SGCG: variants seen among roughly 807,000 people sequenced by gnomAD.
SGCG encodes the protein sarcoglycan gamma.
A neutral mutation model predicts 29.3 loss-of-function variants in SGCG; 26 were observed. The observed-to-expected ratio is 0.89, with a 90% confidence interval of 0.65 to 1.23. The LOEUF is 1.23. Among genes scored for constraint, SGCG ranks in the 50% most tolerant of loss-of-function variants. The pLI is 0.00. For missense variants in SGCG, 353 were observed against 356.0 expected (o/e 0.99, Z 0.07); for synonymous variants, 145 against 129.7 (o/e 1.12, Z -0.80).
At chr13:23,221,548 A>G (rs1489717997) in intron 2 of SGCG, among the ~76,000 whole-genome samples, 1 of 152,236 alleles carries the variant, frequency 6.6e-6, no homozygotes, top group Non-Finnish European at 1.5e-5. Flanking sequence ...CTTAGGTTCT[A>G]TGATGTATAA....
intron 2 of SGCG, among the ~76,000 whole-genome samples, chr13:23,230,677 C>G (rs2137539939): frequency 6.6e-6 from 1 of 152,264 alleles, no homozygotes; most frequent in South Asian, 2.1e-4. Context: ...TCTCAAGGAG[C>G]TTTTGGGCAG....
intron 1 of SGCG, among the ~76,000 whole-genome samples, chr13:23,185,755 C>T (rs1055106770): frequency 7.9e-5 from 12 of 152,322 alleles, no homozygotes; most frequent in East Asian, 1.9e-4. Flanking sequence ...ACTGATAAAA[C>T]GTTGGAGTGT....
At chr13:23,288,300 C>T (rs1255941621) in intron 5 of SGCG, among the ~76,000 whole-genome samples, 2 of 152,146 alleles carry the variant, frequency 1.3e-5, no homozygotes, top group African/African-American at 4.8e-5. Flanking sequence ...TTTTCTCCGC[C>T]CTTGTCACTT....
intron 6 of SGCG, among the ~76,000 whole-genome samples, chr13:23,304,849 G>T (rs11617553): frequency 0.087 from 13,172 of 152,198 alleles, 646 homozygotes; most frequent in South Asian, 0.13. Context: ...GGCTGGTCTC[G>T]ATCTCCTGGC....
chr13:23,291,843 G>T (rs1407890182), intron 5 of SGCG, among the ~76,000 whole-genome samples: 5 of 152,118 alleles, frequency 3.3e-5, no homozygotes, highest in Admixed American at 6.6e-5. Flanking sequence ...ATATGAAATG[G>T]GTCATTTTGT....
chr13:23,287,241 G>A (rs1319542122), intron 5 of SGCG, among the ~76,000 whole-genome samples: 7 of 152,182 alleles, frequency 4.6e-5, no homozygotes, highest in Non-Finnish European at 1.0e-4. Flanking sequence ...TAGTAGAGGG[G>A]GAAGTCAGAT....
chr13:23,299,085 A>G (rs2137650976), intron 6 of SGCG, among the ~76,000 whole-genome samples: 1 of 152,216 alleles, frequency 6.6e-6, no homozygotes, highest in South Asian at 2.1e-4. Context: ...TTTTATCCCC[A>G]TTTTATAAAG....
intron 4 of SGCG, among the ~76,000 whole-genome samples, chr13:23,257,126 C>T (rs570088327): frequency 2.0e-5 from 3 of 152,244 alleles, no homozygotes; most frequent in Admixed American, 6.5e-5. Flanking sequence ...TCTCTGATGA[C>T]CAGTGATGAT....
chr13:23,189,436 A>G (rs937940666), intron 1 of SGCG, among the ~76,000 whole-genome samples: 5 of 152,170 alleles, frequency 3.3e-5, no homozygotes, highest in Non-Finnish European at 5.9e-5. Context: ...CTTGGCCTCC[A>G]AAGTGCTGGA....
rs201514102 is a variant in SGCG, at chr13:23,250,658, A to G, written c.326A>G (p.Gln109Arg). 1.2e-6 allele frequency: 2 copies of G among 1,612,678 alleles called. No homozygotes were observed. Among genetic ancestry groups the G allele is most frequent in the East Asian group, 4.5e-5 (2 of 44,882 alleles). ...TCATCTCTGCTTCTACAATCAACCCAGAATGTGACTGTAAATGCGCGCAAC... is the reference window on the plus strand; with the variant it reads ...TCATCTCTGCTTCTACAATCAACCCGGAATGTGACTGTAAATGCGCGCAAC... ...VDSSLLLQST[Q>R]NVTVNARNSE... Residue 109 changes from glutamine (Q) to arginine (R), a missense_variant, in exon 4 of 8, where the codon CAG (glutamine) becomes CGG (arginine). Gln to Arg is a conservative substitution (Grantham distance 43). Transcript: ENST00000218867.
intron 2 of SGCG, among the ~76,000 whole-genome samples, chr13:23,226,434 A>C (rs1396473503): frequency 3.3e-5 from 5 of 151,752 alleles, no homozygotes; most frequent in Non-Finnish European, 5.9e-5. Context: ...AGAGCAAAAA[A>C]AAAACACTGA....
At position 23,182,938 on chromosome 13, in the gene SGCG, C is replaced by T. The variant is rs4770404; in HGVS notation, c.-1+1863C>T. ...GAGAATGGATTAAGGGCAGTGGAGG[C>T]GGCAGTGAAGAGTACCTTAAAACCT... On this transcript the variant is annotated intron_variant, in intron 1 of 7. Transcript: ENST00000218867. Among the ~76,000 whole-genome samples, 487 of 152,286 alleles carry T rather than the reference C, an allele frequency of 3.2e-3. 2 individuals are homozygous for T. Among genetic ancestry groups the T allele is most frequent in the Non-Finnish European group, 4.9e-3 (332 of 68,028 alleles).
At chr13:23,177,739 T>A (rs1031859771), upstream of SGCG, among the ~76,000 whole-genome samples, 1 of 12,764 alleles carries the variant, frequency 7.8e-5, no homozygotes, top group Non-Finnish European at 1.8e-4. Flanking sequence ...GTCCGGCTAT[T>A]TTTTTTTTTC....
chr13:23,248,050 G>A (rs557567205), intron 3 of SGCG, among the ~76,000 whole-genome samples: 232 of 151,548 alleles, frequency 1.5e-3, no homozygotes, highest in Non-Finnish European at 2.5e-3. Flanking sequence ...CAAAGCGGGT[G>A]GATCACTTGA....
chr13:23,322,778 C>A (rs1883096360), intron 7 of SGCG, among the ~76,000 whole-genome samples: 1 of 100,302 alleles, frequency 1.0e-5, no homozygotes, highest in Non-Finnish European at 2.2e-5. Context: ...ACCTCCCCCC[C>A]CCCCCCCCCC....
chr13:23,285,449 G>A (rs1325680811), intron 5 of SGCG, among the ~76,000 whole-genome samples: 4 of 152,146 alleles, frequency 2.6e-5, no homozygotes, highest in Non-Finnish European at 5.9e-5. Context: ...AATGGTGGAC[G>A]CCCCTCCCCT....
At chr13:23,253,317 T>A (rs1321485055) in intron 4 of SGCG, among the ~76,000 whole-genome samples, 1 of 152,228 alleles carries the variant, frequency 6.6e-6, no homozygotes, top group Non-Finnish European at 1.5e-5. Context: ...TCTCTAGTTT[T>A]AACCTTGGTG....
chr13:23,297,890 G>T (rs1380436701), intron 6 of SGCG, among the ~76,000 whole-genome samples: 1 of 151,378 alleles, frequency 6.6e-6, no homozygotes, highest in Non-Finnish European at 1.5e-5. Context: ...GATTACAGGT[G>T]CCCACGACCA....
intron 5 of SGCG, among the ~76,000 whole-genome samples, chr13:23,280,528 A>C (rs7336887): frequency 0.44 from 67,105 of 152,090 alleles, 15,482 homozygotes; most frequent in Middle Eastern, 0.65. Flanking sequence ...TTGTTACTAA[A>C]ATGAAGGACA....
Sources: allele counts gnomAD v4.1 joint callset (sites outside exome capture counted in the v4.1 genomes callset), GRCh38; gene constraint gnomAD v4.1.1; transcripts MANE v1.5; gene names NCBI Gene and HGNC (gene_info 2026-07-23, HGNC 2026-07-21).